The following PTPRD variants were observed in gnomAD, a reference collection of about 807,000 sequenced individuals.
The protein encoded by PTPRD is receptor-type tyrosine-protein phosphatase delta.
In PTPRD, 34 loss-of-function variants were observed where a neutral mutation model predicts 214.5. The ratio of observed to expected loss-of-function variants is 0.16; its 90% CI spans 0.12 to 0.21. PTPRD has a LOEUF of 0.21. Ranked by LOEUF, PTPRD falls within the 10% of genes least tolerant of loss-of-function variation. PTPRD has a pLI of 1.00. For missense variants in PTPRD, 2,545 were observed against 2,398.7 expected, an observed-to-expected ratio of 1.06 and a Z score of -1.27; for synonymous variants, 1,128 against 845.7, an observed-to-expected ratio of 1.33 and a Z score of -5.79.
chr9:9,909,632 A>G (rs1238806565), intron 5 of PTPRD, among the ~76,000 whole-genome samples: 1 of 151,918 alleles, frequency 6.6e-6, no homozygotes, highest in Non-Finnish European at 1.5e-5. Context: ...TCAAAATGTA[A>G]AATTACTTTT....
At chr9:10,373,479 G>C (rs2097670287) in intron 2 of PTPRD, among the ~76,000 whole-genome samples, 2 of 152,030 alleles carry the variant, frequency 1.3e-5, no homozygotes, top group East Asian at 3.9e-4. Flanking sequence ...ATCATTAATT[G>C]AATCATCACC....
chr9:9,224,448 T>C (rs2099958129), intron 9 of PTPRD, among the ~76,000 whole-genome samples: 1 of 151,964 alleles, frequency 6.6e-6, no homozygotes, highest in Non-Finnish European at 1.5e-5. Flanking sequence ...TTTGGCTCCA[T>C]TATTGAAATT....
At chr9:10,434,810 T>C (rs914993337) in intron 2 of PTPRD, among the ~76,000 whole-genome samples, 2 of 152,046 alleles carry the variant, frequency 1.3e-5, no homozygotes, top group African/African-American at 4.8e-5. Context: ...TATGCAGTTA[T>C]AGTCTCTGTT....
At chr9:10,028,665 A>T (rs915025679) in intron 4 of PTPRD, among the ~76,000 whole-genome samples, 2 of 152,086 alleles carry the variant, frequency 1.3e-5, no homozygotes, top group Non-Finnish European at 2.9e-5. Context: ...ATATTTGTGG[A>T]ACTTTGAACT....
intron 10 of PTPRD, among the ~76,000 whole-genome samples, chr9:9,143,628 T>C (rs1301310304): frequency 6.6e-6 from 1 of 152,240 alleles, no homozygotes; most frequent in Non-Finnish European, 1.5e-5. Flanking sequence ...ATGGGTCTCT[T>C]CAAATATCTC....
rs368827122 is a variant in PTPRD, at chr9:8,725,104, T to G, written c.64+8676A>C. Among the ~76,000 whole-genome samples, 6 of 152,212 alleles carry G rather than the reference T, an allele frequency of 3.9e-5. No homozygotes were observed. In the East Asian group the frequency reaches 9.6e-4, roughly 24 times the overall value. Reference sequence around the variant, plus strand: ...AATATTAGGAAAACTGAATGAAAGCTACATGGAAAATTCCTGTATGATTGT... The same window carrying G: ...AATATTAGGAAAACTGAATGAAAGCGACATGGAAAATTCCTGTATGATTGT... On this transcript the variant is annotated intron_variant, in intron 12 of 45. Transcript: ENST00000381196.
At chr9:10,550,387 A>C (rs917156098) in intron 2 of PTPRD, among the ~76,000 whole-genome samples, 1 of 152,162 alleles carries the variant, frequency 6.6e-6, no homozygotes, top group African/African-American at 2.4e-5. Context: ...GTCTGACATG[A>C]TGATTTGGGT....
At chr9:10,155,843 T>G (rs1243593554) in intron 3 of PTPRD, among the ~76,000 whole-genome samples, 1 of 152,138 alleles carries the variant, frequency 6.6e-6, no homozygotes, top group African/African-American at 2.4e-5. Context: ...TGGACTTAGT[T>G]TGCAAGTATA....
At chr9:9,789,694 G>A (rs2098952680) in intron 5 of PTPRD, among the ~76,000 whole-genome samples, 1 of 144,886 alleles carries the variant, frequency 6.9e-6, no homozygotes, top group Admixed American at 7.2e-5. Flanking sequence ...CTACACAGGA[G>A]GCTGAGGAAG....
chr9:8,577,521 C>A (rs779200527), intron 14 of PTPRD, among the ~76,000 whole-genome samples: 1 of 152,102 alleles, frequency 6.6e-6, no homozygotes, highest in African/African-American at 2.4e-5. Context: ...TCCCAAAGTG[C>A]TGGGATTATA....
chr9:8,577,592 G>A (rs1005518451), intron 14 of PTPRD, among the ~76,000 whole-genome samples: 8 of 152,132 alleles, frequency 5.3e-5, no homozygotes, highest in Non-Finnish European at 8.8e-5. Context: ...CTCACCAAGA[G>A]ATCCTTCAAG....
In PTPRD at chr9:9,855,452, T is replaced by C. The variant is rs562321517; in HGVS notation, c.-368+83055A>G. 7.6e-4 allele frequency among the ~76,000 whole-genome samples: 115 copies of C among 152,222 alleles called. 1 individual carries two copies. The highest frequency in any genetic ancestry group is 2.6e-3 in the African/African-American group (106 of 41,544). On this transcript the variant is annotated intron_variant, in intron 5 of 45. Transcript: ENST00000381196. ...AAGAAACAAAAAGGAGAGGCTAGAA[T>C]TGAATAAAGAGAATACTACTTGAAG...
At chr9:9,402,966 GAAAAAAAAA>G (rs1555359331) in intron 8 of PTPRD, among the ~76,000 whole-genome samples, 1 of 78,598 alleles carries the variant, frequency 1.3e-5, no homozygotes, top group African/African-American at 5.1e-5. Flanking sequence ...CTAATAGGGA[GAAAAAAAAA>G]AAAAAAAAAA....
chr9:9,070,434 G>T (rs1183769163), intron 10 of PTPRD, among the ~76,000 whole-genome samples: 1 of 152,038 alleles, frequency 6.6e-6, no homozygotes, highest in Non-Finnish European at 1.5e-5. Context: ...CGATCCAAAT[G>T]ATTCAAAGAC....
chr9:8,693,800 C>T (rs1362653051), intron 12 of PTPRD, among the ~76,000 whole-genome samples: 1 of 152,214 alleles, frequency 6.6e-6, no homozygotes, highest in Non-Finnish European at 1.5e-5. Flanking sequence ...CACCTACACA[C>T]ACAAAACACT....
chr9:9,196,709 T>C (rs1310844970), intron 9 of PTPRD, among the ~76,000 whole-genome samples: 2 of 152,240 alleles, frequency 1.3e-5, no homozygotes, highest in South Asian at 4.1e-4. Flanking sequence ...TTTCCTGTCT[T>C]GTAATATGTA....
At chr9:8,502,622 C>G (rs1334428999) in intron 23 of PTPRD, among the ~76,000 whole-genome samples, 2 of 152,020 alleles carry the variant, frequency 1.3e-5, no homozygotes, top group Admixed American at 1.3e-4. Context: ...AACTATTTTA[C>G]ATGCATTATC....
At chr9:10,360,106 T>G (rs988092864) in intron 2 of PTPRD, among the ~76,000 whole-genome samples, 2 of 152,188 alleles carry the variant, frequency 1.3e-5, no homozygotes, top group African/African-American at 2.4e-5. Context: ...TTGTCATAAT[T>G]TGTCCTACTG....
intron 9 of PTPRD, among the ~76,000 whole-genome samples, chr9:9,240,880 A>G (rs987614278): frequency 2.0e-5 from 3 of 152,116 alleles, no homozygotes; most frequent in Non-Finnish European, 4.4e-5. Flanking sequence ...ACATCCAAAT[A>G]GTTATTGTTT....
Sources: gnomAD v4.1 joint callset for allele counts (sites outside exome capture counted in the v4.1 genomes callset) on GRCh38, gnomAD v4.1.1 for gene constraint, MANE v1.5 for transcripts, NCBI Gene and HGNC (gene_info 2026-07-23, HGNC 2026-07-21) for gene names.